ELAPOR1: variants seen among roughly 807,000 people sequenced by gnomAD.
The protein encoded by ELAPOR1 is endosome-lysosome associated apoptosis and autophagy regulator 1.
Under a neutral mutation model 119.7 loss-of-function variants are expected in ELAPOR1, and 77 were observed. That is an observed-to-expected ratio of 0.64 (90% CI 0.54 to 0.78). ELAPOR1 has a LOEUF of 0.78. Among genes scored for constraint, ELAPOR1 ranks in the 30% least tolerant of loss-of-function variants. The pLI is 0.00. For missense variants in ELAPOR1, 1,115 were observed against 1,270.4 expected (o/e 0.88, Z 1.86); for synonymous variants, 481 against 487.2 (o/e 0.99, Z 0.17).
chr1:109,169,877 T>TA (rs1287698335), intron 3 of ELAPOR1, among the ~76,000 whole-genome samples: 1 of 152,132 alleles, frequency 6.6e-6, no homozygotes, highest in Non-Finnish European at 1.5e-5. Context: ...GACATGTGCC[T>TA]AAGGAGACAG....
chr1:109,197,875 T>C (rs1489335738), intron 16 of ELAPOR1, 104 bp from the exon 17 acceptor site: 3 of 1,100,910 alleles, frequency 2.7e-6, no homozygotes, highest in Non-Finnish European at 4.1e-6. Context: ...CTCAGGGATG[T>C]GATGAGATGA....
At chr1:109,171,538 C>T (rs1358681445) in intron 3 of ELAPOR1, among the ~76,000 whole-genome samples, 4 of 151,714 alleles carry the variant, frequency 2.6e-5, no homozygotes, top group East Asian at 1.9e-4. Context: ...GGAGACAGAG[C>T]GAGACTCTGC....
At chr1:109,154,728 T>C (rs1650762230) in intron 1 of ELAPOR1, among the ~76,000 whole-genome samples, 1 of 152,214 alleles carries the variant, frequency 6.6e-6, no homozygotes, top group Non-Finnish European at 1.5e-5. Flanking sequence ...TGCTTCTCCC[T>C]TGGAGTGTTC....
At chr1:109,169,783 A>C (rs1431960214) in intron 3 of ELAPOR1, among the ~76,000 whole-genome samples, 1 of 152,150 alleles carries the variant, frequency 6.6e-6, no homozygotes, top group Non-Finnish European at 1.5e-5. Context: ...AAATTTGGAG[A>C]GGATGTGGAG....
At chr1:109,194,812 G>A (rs1031058762) in intron 15 of ELAPOR1, among the ~76,000 whole-genome samples, 4 of 152,196 alleles carry the variant, frequency 2.6e-5, no homozygotes, top group African/African-American at 9.7e-5. Flanking sequence ...TTAAAATAAT[G>A]TGTTCTTGCC....
intron 1 of ELAPOR1, among the ~76,000 whole-genome samples, chr1:109,116,811 C>T (rs1450774085): frequency 6.6e-6 from 1 of 151,782 alleles, no homozygotes; most frequent in Non-Finnish European, 1.5e-5. Flanking sequence ...CTGCCTCAGC[C>T]TCCCAAGTAG....
intron 1 of ELAPOR1, among the ~76,000 whole-genome samples, chr1:109,130,280 G>C (rs879541837): frequency 1.3e-5 from 2 of 152,142 alleles, no homozygotes; most frequent in Non-Finnish European, 2.9e-5. Flanking sequence ...ACGTAGTATA[G>C]ACTCAATAAG....
At chr1:109,162,585 T>C (rs1381841878) in intron 2 of ELAPOR1, among the ~76,000 whole-genome samples, 1 of 152,176 alleles carries the variant, frequency 6.6e-6, no homozygotes, top group African/African-American at 2.4e-5. Flanking sequence ...TTTCTACAAT[T>C]GGCAGCTGTT....
rs773207484 is a variant in ELAPOR1, at chr1:109,188,232, G to A, written c.1097G>A (p.Gly366Glu). The change falls in exon 9 of 22, where the codon GGG (glycine) becomes GAG (glutamate). Residue 366 changes from glycine (G) to glutamate (E), a missense_variant. By Grantham distance (98) the Gly-to-Glu change is moderately conservative. Coordinates refer to ENST00000369939, the MANE Select transcript of ELAPOR1 (RefSeq NM_020775.5). ...AAAATCTGTAGCGAGGACCTTGAGG[G>A]GGCAGTGAAGCTGCCTGCCTCTGGT... is the stretch of plus-strand genomic sequence containing the variant. Reference protein sequence around the residue: ...KPKICSEDLEGAVKLPASGVK... With the variant: ...KPKICSEDLEEAVKLPASGVK... 7.4e-6 allele frequency: 12 copies of A among 1,613,868 alleles called. No homozygotes were observed. The East Asian group carries it at 2.5e-4, about 33-fold the overall frequency.
Position 109,122,833 on chromosome 1 carries a change from T to A in ELAPOR1, c.153+8497T>A, listed in dbSNP as rs192172927. 5.6e-3 allele frequency among the ~76,000 whole-genome samples: 848 copies of A among 152,282 alleles called. 8 individuals carry two copies. The highest frequency in any genetic ancestry group is 0.019 in the African/African-American group (787 of 41,554). On this transcript the variant is annotated intron_variant, in intron 1 of 21. Transcript: ENST00000369939. ...TTAGCTGGGCATGATGGTGTGCCCCTGTGGTCCCAGCTACTTGGGAGGCTA... is the reference window on the plus strand; with the variant it reads ...TTAGCTGGGCATGATGGTGTGCCCCAGTGGTCCCAGCTACTTGGGAGGCTA...
intron 1 of ELAPOR1, among the ~76,000 whole-genome samples, chr1:109,152,331 C>T (rs2101021678): frequency 6.6e-6 from 1 of 152,272 alleles, no homozygotes; most frequent in Middle Eastern, 3.4e-3. Flanking sequence ...CAGACAAAAC[C>T]CAGGTTTACT....
chr1:109,180,682 C>T (rs1652636589), intron 7 of ELAPOR1, among the ~76,000 whole-genome samples: 1 of 152,136 alleles, frequency 6.6e-6, no homozygotes, highest in African/African-American at 2.4e-5. Context: ...TGAAAATACT[C>T]AGGCCAGCAC....
intron 2 of ELAPOR1, among the ~76,000 whole-genome samples, chr1:109,163,197 C>G (rs1039327849): frequency 6.6e-6 from 1 of 151,886 alleles, no homozygotes; most frequent in Non-Finnish European, 1.5e-5. Flanking sequence ...AGCTTGTGGT[C>G]CAGGGTAGAG....
intron 1 of ELAPOR1, among the ~76,000 whole-genome samples, chr1:109,122,307 G>A (rs1198252159): frequency 6.6e-6 from 1 of 150,788 alleles, no homozygotes; most frequent in Non-Finnish European, 1.5e-5. Context: ...TCAAAGTGCT[G>A]GGATTACAGG....
intron 1 of ELAPOR1, among the ~76,000 whole-genome samples, chr1:109,126,079 A>T (rs970224412): frequency 6.6e-6 from 1 of 152,342 alleles, no homozygotes; most frequent in Middle Eastern, 3.4e-3. Flanking sequence ...TAACCATTCC[A>T]ATCGACTTGC....
At chr1:109,191,606 G>A in intron 12 of ELAPOR1, 120 bp from the exon 13 acceptor site, 1 of 1,439,474 alleles carries the variant, frequency 6.9e-7, no homozygotes, top group Non-Finnish European at 9.6e-7. Context: ...CTGACCAGCA[G>A]GGACTTCACA....
intron 1 of ELAPOR1, among the ~76,000 whole-genome samples, chr1:109,116,680 C>CTTTTT (rs71069649): frequency 3.1e-5 from 3 of 96,874 alleles, no homozygotes; most frequent in African/African-American, 7.5e-5. Context: ...CTTCTCTGTT[C>CTTTTT]TTTTTTTTTT....
chr1:109,170,979 T>C (rs1294273256), intron 3 of ELAPOR1, among the ~76,000 whole-genome samples: 1 of 152,218 alleles, frequency 6.6e-6, no homozygotes, highest in Non-Finnish European at 1.5e-5. Flanking sequence ...CATCTTATAG[T>C]AGACATTTCT....
At chr1:109,135,557 T>C (rs1343740323) in intron 1 of ELAPOR1, among the ~76,000 whole-genome samples, 5 of 152,146 alleles carry the variant, frequency 3.3e-5, no homozygotes, top group Non-Finnish European at 7.4e-5. Flanking sequence ...GAATTCAAAT[T>C]TCTAACAAGT....
Sources: gnomAD v4.1 joint callset for allele counts (sites outside exome capture counted in the v4.1 genomes callset) on GRCh38, gnomAD v4.1.1 for gene constraint, MANE v1.5 for transcripts, NCBI Gene and HGNC (gene_info 2026-07-23, HGNC 2026-07-21) for gene names.